Variants in MAS1 observed in about 807,000 individuals in gnomAD.
MAS1 encodes the protein proto-oncogene Mas.
For synonymous variants in MAS1, 163 were observed against 164.2 expected, an observed-to-expected ratio of 0.99 and a Z score of 0.05; for missense variants, 387 against 409.7, an observed-to-expected ratio of 0.94 and a Z score of 0.48.
At chr6:159,906,841 A>T (rs1190301404) in intron 2 of MAS1, 79 bp from the exon 3 acceptor site, 1 of 1,087,744 alleles carries the variant, frequency 9.2e-7, no homozygotes, top group African/African-American at 1.6e-5. Context: ...TATGATTTAT[A>T]GCTGAATTTC....
intron 1 of MAS1, among the ~76,000 whole-genome samples, chr6:159,898,662 C>CTTCCTCCTCCCTCCTCCTCCCT (rs2115111538): frequency 8.3e-6 from 1 of 119,936 alleles, no homozygotes; most frequent in African/African-American, 3.1e-5. Flanking sequence ...CCTCCTCCCT[C>CTTCCTCCTCCCTCCTCCTCCCT]CTCCTTCCTC....
At chr6:159,897,572 G>A (rs548603782) in intron 1 of MAS1, among the ~76,000 whole-genome samples, 1 of 152,268 alleles carries the variant, frequency 6.6e-6, no homozygotes, top group Non-Finnish European at 1.5e-5. Context: ...TTTGGGAAAG[G>A]GCTGTTATTG....
chr6:159,903,077 G>C (rs1052933217), intron 2 of MAS1, among the ~76,000 whole-genome samples: 1 of 152,012 alleles, frequency 6.6e-6, no homozygotes, highest in Admixed American at 6.6e-5. Flanking sequence ...TAAGCGTCAC[G>C]TTCTCCAGCC....
intron 2 of MAS1, 44 bp from the exon 3 acceptor site, chr6:159,906,876 T>C: frequency 7.0e-7 from 1 of 1,434,014 alleles, no homozygotes; most frequent in Non-Finnish European, 9.4e-7. Context: ...ATTCAACAAT[T>C]TTCATGGCTT....
chr6:159,912,669 G>T lies in MAS1; in HGVS notation c.*4736G>T, dbSNP rs781598573. On this transcript the variant is annotated 3_prime_UTR_variant, in exon 3 of 3. Transcript: ENST00000674077. ...TCACTTATAAAATGGGTACCATCAG[G>T]CCTCCCCCTGCTTAGCACCAGAGTC... 6.6e-6 allele frequency: 1 copy of T among 152,134 alleles called. No homozygotes were observed. Among genetic ancestry groups the T allele is most frequent in the Non-Finnish European group, 1.5e-5 (1 of 68,036 alleles). 9.4% of individuals were successfully genotyped at this position (152,134 alleles called of 1,614,324 possible).
At chr6:159,901,601 CTT>C (rs983902130) in intron 2 of MAS1, among the ~76,000 whole-genome samples, 1 of 151,418 alleles carries the variant, frequency 6.6e-6, no homozygotes, top group Non-Finnish European at 1.5e-5. Flanking sequence ...TATCTCTAAA[CTT>C]TTTTTTTAAT....
chr6:159,913,793 ATTTTCATGATTTTAATTTCACTT>A lies in MAS1; in HGVS notation c.*5874_*5896del, dbSNP rs1782991477. The A allele has an allele frequency of 6.6e-6, 1 of 152,204 alleles. No homozygotes were observed. Among genetic ancestry groups the A allele is most frequent in the African/African-American group, 2.4e-5 (1 of 41,440 alleles). The allele number at this position is 152,204 out of a possible 1,614,324, so 9.4% of individuals were successfully genotyped here. Reference sequence around the variant, plus strand: ...GTTTTAGTAAAGCAAAATTAAAACAATTTTCATGATTTTAATTTCACTTTTTTCATGATTTTCTATGAAATTTT... The same window carrying A: ...GTTTTAGTAAAGCAAAATTAAAACAATTTTCATGATTTTCTATGAAATTTT... On this transcript the variant is annotated 3_prime_UTR_variant, in exon 3 of 3. Transcript: ENST00000674077.
chr6:159,895,720 A>G (rs1055533066), intron 1 of MAS1, among the ~76,000 whole-genome samples: 16 of 152,266 alleles, frequency 1.1e-4, no homozygotes, highest in Admixed American at 6.5e-5. Flanking sequence ...AAGATGTTGT[A>G]GAAAAAGAAA....
In MAS1 at chr6:159,912,377, A is replaced by G. The variant is rs1359137330; in HGVS notation, c.*4444A>G. On this transcript the variant is annotated 3_prime_UTR_variant, in exon 3 of 3. Transcript: ENST00000674077. Reference sequence around the variant, plus strand: ...GAATCACTTCTGGAAAGGAAAACACATCAAGCCATACATACTTTTTCCTGT... The same window carrying G: ...GAATCACTTCTGGAAAGGAAAACACGTCAAGCCATACATACTTTTTCCTGT... 1 of 152,238 alleles carries G rather than the reference A, an allele frequency of 6.6e-6. No homozygotes were observed. The highest frequency in any genetic ancestry group is 1.5e-5 in the Non-Finnish European group (1 of 68,046). The allele number at this position is 152,238 out of a possible 1,614,324, so 9.4% of individuals were successfully genotyped here.
Position 159,907,353 on chromosome 6 carries a change from C to T in MAS1, c.398C>T (p.Ser133Leu). ...GCCATTAGTGTGGAGAGGTGCCTGT[C>T]AGTCCTTTACCCCATCTGGTACCGA... ...LTAISVERCL[S>L]VLYPIWYRCH... Residue 133 changes from serine to leucine, a missense_variant, in exon 3 of 3, where the codon TCA (serine) becomes TTA (leucine). By Grantham distance (145) the Ser-to-Leu change is moderately radical (BLOSUM62 -2). Transcript: ENST00000674077. 6.2e-7 allele frequency: 1 copy of T among 1,614,184 alleles called. No homozygotes were observed. Among genetic ancestry groups the T allele is most frequent in the Non-Finnish European group, 8.5e-7 (1 of 1,180,050 alleles).
chr6:159,890,746 C>T (rs990796230), upstream of MAS1, among the ~76,000 whole-genome samples: 10 of 152,206 alleles, frequency 6.6e-5, no homozygotes, highest in Non-Finnish European at 1.0e-4. Context: ...ACTACACATG[C>T]GGTTTTGCCC....
At position 159,913,886 on chromosome 6, in the gene MAS1, A is replaced by G. The variant is rs1285390348; in HGVS notation, c.*5953A>G. On this transcript the variant is annotated 3_prime_UTR_variant, in exon 3 of 3. Coordinates refer to ENST00000674077, the MANE Select transcript of MAS1 (RefSeq NM_002377.4). ...TTCCTTTTTAACAATCTTTTACTAA[A>G]ACCAGTCATTCATGGATAAGGAGAT... is the stretch of plus-strand genomic sequence containing the variant. 6.6e-6 allele frequency: 1 copy of G among 152,192 alleles called. No homozygotes were observed. The highest frequency in any genetic ancestry group is 1.9e-4 in the East Asian group (1 of 5,204). 9.4% of individuals were successfully genotyped at this position (152,192 alleles called of 1,614,324 possible).
chr6:159,889,092 G>C (rs918351426), upstream of MAS1, among the ~76,000 whole-genome samples: 6 of 152,098 alleles, frequency 3.9e-5, no homozygotes, highest in African/African-American at 1.4e-4. Flanking sequence ...TGACTCTCCC[G>C]GCCGGCCACC....
At position 159,913,518 on chromosome 6, in the gene MAS1, C is replaced by A. The variant is rs1016647130; in HGVS notation, c.*5585C>A. 1 of 152,150 alleles carries A rather than the reference C, an allele frequency of 6.6e-6. No individual in the cohort carries two copies. Among genetic ancestry groups the A allele is most frequent in the Non-Finnish European group, 1.5e-5 (1 of 68,050 alleles). The allele number at this position is 152,150 out of a possible 1,614,324, so 9.4% of individuals were successfully genotyped here. ...GAGTTGTTGGCTGAGGCAGAAGCCA[C>A]CTGAAGGCTTGACTAGGCAGGGCAA... On this transcript the variant is annotated 3_prime_UTR_variant, in exon 3 of 3. Coordinates refer to ENST00000674077, the MANE Select transcript of MAS1 (RefSeq NM_002377.4).
intron 1 of MAS1, among the ~76,000 whole-genome samples, chr6:159,896,827 C>A (rs1035054321): frequency 6.6e-6 from 1 of 152,042 alleles, no homozygotes; most frequent in Non-Finnish European, 1.5e-5. Context: ...CCACTCAAAT[C>A]AGTCTCCCTG....
rs1425732053 is a variant in MAS1, at chr6:159,907,106, G to A, written c.151G>A (p.Gly51Arg). 1.2e-6 allele frequency: 2 copies of A among 1,614,198 alleles called. No homozygotes were observed. Among genetic ancestry groups the A allele is most frequent in the South Asian group, 2.2e-5 (2 of 91,086 alleles). The change falls in exon 3 of 3, where the codon GGG becomes AGG. Residue 51 changes from glycine (G) to arginine (R), a missense_variant. Gly to Arg is a moderately radical substitution (Grantham distance 125). Coordinates refer to ENST00000674077, the MANE Select transcript of MAS1 (RefSeq NM_002377.4). ...CTCCCCAGTGGGGTTTGTTGAGAAT[G>A]GGATTCTCCTCTGGTTCCTGTGCTT... is the stretch of plus-strand genomic sequence containing the variant. ...SISPVGFVEN[G>R]ILLWFLCFRM...
In MAS1 at chr6:159,913,829, T is replaced by G. The variant is rs1417832752; in HGVS notation, c.*5896T>G. The stretch of plus-strand genomic sequence containing the variant: ...TTTAATTTCACTTTTTTCATGATTT[T>G]CTATGAAATTTTGGTCCTCATTTTA... On this transcript the variant is annotated 3_prime_UTR_variant, in exon 3 of 3. Transcript: ENST00000674077. 6.6e-6 allele frequency: 1 copy of G among 152,262 alleles called. No homozygotes were observed. Among genetic ancestry groups the G allele is most frequent in the East Asian group, 1.9e-4 (1 of 5,206 alleles). 9.4% of individuals were successfully genotyped at this position (152,262 alleles called of 1,614,324 possible).
chr6:159,890,478 C>T (rs568078716), upstream of MAS1, among the ~76,000 whole-genome samples: 6 of 152,140 alleles, frequency 3.9e-5, no homozygotes, highest in South Asian at 2.1e-4. Context: ...TAGCATCCTA[C>T]GGGTCTTATA....
At position 159,907,423 on chromosome 6, in the gene MAS1, G is replaced by C. The variant is rs1235223832; in HGVS notation, c.468G>C (p.Leu156=). 2 of 1,614,096 alleles carry C rather than the reference G, an allele frequency of 1.2e-6. No homozygotes were observed. Among genetic ancestry groups the C allele is most frequent in the Non-Finnish European group, 1.7e-6 (2 of 1,180,032 alleles). Residue 156 remains leucine (L), a synonymous_variant, in exon 3 of 3, where the codon CTG becomes CTC. Transcript: ENST00000674077. Reference sequence around the variant, plus strand: ...AGTCGGCATTGGTCTGTGCCCTTCTGTGGGCTCTTTCTTGCTTGGTGACCA... The same window carrying C: ...AGTCGGCATTGGTCTGTGCCCTTCTCTGGGCTCTTTCTTGCTTGGTGACCA... The part of the protein sequence containing the change: ...KYQSALVCAL[L]WALSCLVTTM...
Sources: allele counts gnomAD v4.1 joint callset (sites outside exome capture counted in the v4.1 genomes callset), GRCh38; gene constraint gnomAD v4.1.1; transcripts MANE v1.5; gene names NCBI Gene and HGNC (gene_info 2026-07-23, HGNC 2026-07-21).